The following SRGAP3 variants were observed in gnomAD, a reference collection of about 807,000 sequenced individuals.
SRGAP3 encodes SLIT-ROBO Rho GTPase activating protein 3, also known as SLIT-ROBO Rho GTPase-activating protein 3.
A neutral mutation model predicts 121.1 loss-of-function variants in SRGAP3; 39 were observed. The observed-to-expected ratio is 0.32, with a 90% CI of 0.25 to 0.42. SRGAP3 has a LOEUF of 0.42. Ranked by LOEUF, SRGAP3 falls within the 10% of genes least tolerant of loss-of-function variation. The pLI, the probability that SRGAP3 is intolerant of heterozygous loss-of-function variation, is 1.00. For missense variants in SRGAP3, 1,213 were observed against 1,470.6 expected (o/e 0.82, Z 2.86); for synonymous variants, 601 against 570.0 (o/e 1.05, Z -0.77).
At chr3:9,140,547 G>C (rs1949811355) in intron 1 of SRGAP3, among the ~76,000 whole-genome samples, 1 of 152,216 alleles carries the variant, frequency 6.6e-6, no homozygotes, top group Non-Finnish European at 1.5e-5. Flanking sequence ...CCAAGGCTTA[G>C]CAGACTTTTT....
chr3:9,197,285 G>A (rs9820704), intron 1 of SRGAP3, among the ~76,000 whole-genome samples: 36,108 of 152,142 alleles, frequency 0.24, 4,782 homozygotes, highest in African/African-American at 0.36. Context: ...CACAGGACAT[G>A]CCTGTCAAAG....
intron 3 of SRGAP3, among the ~76,000 whole-genome samples, chr3:9,088,759 T>A (rs767666836): frequency 6.6e-6 from 1 of 151,786 alleles, no homozygotes; most frequent in African/African-American, 2.4e-5. Flanking sequence ...TTCCCAGTGT[T>A]GAAAACTCAG....
Position 8,994,403 on chromosome 3 carries a change from T to C in SRGAP3, c.2348A>G (p.Glu783Gly), listed in dbSNP as rs1343214523. Residue 783 changes from glutamate to glycine, a missense_variant, in exon 19 of 22, where the codon GAG becomes GGG. Transcript: ENST00000383836. Reference sequence around the variant, plus strand: ...TCCATCCACGCCGTTGTGCCGGCCCTCCCACCAGTCCTCCGAGGCGCGGTG... The same window carrying C: ...TCCATCCACGCCGTTGTGCCGGCCCCCCCACCAGTCCTCCGAGGCGCGGTG... ...LYHRASEDWW[E>G]GRHNGVDGLI... The C allele has an allele frequency of 1.5e-5, 25 of 1,614,088 alleles. 1 individual carries two copies. The highest frequency in any genetic ancestry group is 1.9e-5 in the Non-Finnish European group (23 of 1,180,042).
At chr3:8,998,292 G>T (rs1942536335) in intron 18 of SRGAP3, among the ~76,000 whole-genome samples, 2 of 152,072 alleles carry the variant, frequency 1.3e-5, no homozygotes, top group African/African-American at 4.8e-5. Context: ...CCAGATCTTT[G>T]CATTCATCCA....
intron 1 of SRGAP3, among the ~76,000 whole-genome samples, chr3:9,168,256 C>A (rs145601218): frequency 6.6e-6 from 1 of 152,366 alleles, no homozygotes; most frequent in Admixed American, 6.5e-5. Flanking sequence ...TTGCTTGGAT[C>A]TGGACAAACT....
At chr3:9,142,003 A>G (rs1453920212) in intron 1 of SRGAP3, among the ~76,000 whole-genome samples, 1 of 152,200 alleles carries the variant, frequency 6.6e-6, no homozygotes, top group Non-Finnish European at 1.5e-5. Context: ...AAAGCAGATA[A>G]TGTTGGAATA....
intron 1 of SRGAP3, among the ~76,000 whole-genome samples, chr3:9,205,626 G>A (rs1436491768): frequency 1.3e-5 from 2 of 152,162 alleles, no homozygotes; most frequent in African/African-American, 4.8e-5. Flanking sequence ...TCATTTCCCT[G>A]TGCTCAAGCA....
intron 2 of SRGAP3, among the ~76,000 whole-genome samples, chr3:9,120,294 T>C (rs1052137225): frequency 1.4e-4 from 22 of 152,170 alleles, no homozygotes; most frequent in African/African-American, 5.1e-4. Context: ...AGCTTTTCAA[T>C]AGAAGTGACA....
chr3:9,235,987 C>A (rs1023421782), intron 1 of SRGAP3: 1 of 158,000 alleles, frequency 6.3e-6, no homozygotes, highest in Non-Finnish European at 1.4e-5. Context: ...TCATCCATAC[C>A]ATCTTCAAGG....
rs145253898 is a variant in SRGAP3 at position 9,213,031 on chromosome 3, T to C, written c.67+35854A>G. On this transcript the variant is annotated intron_variant, in intron 1 of 21. Transcript: ENST00000383836. ...CAGCTCCATGCCGGGGCAAATTGCT[T>C]GGTGAGAAAAACTTCCCCTGGATTT... Among the ~76,000 whole-genome samples the C allele has an allele frequency of 2.1e-3, 323 of 152,294 alleles. 2 individuals carry two copies. The highest frequency in any genetic ancestry group is 7.3e-3 in the African/African-American group (305 of 41,562).
intron 6 of SRGAP3, chr3:9,059,944 G>A (rs1946053280): frequency 2.3e-6 from 1 of 426,406 alleles, no homozygotes; most frequent in South Asian, 2.0e-5. Context: ...AAAGGACCTG[G>A]TGTCCAGGAG....
intron 3 of SRGAP3, among the ~76,000 whole-genome samples, chr3:9,086,561 A>T (rs1560112930): frequency 1.3e-5 from 2 of 150,282 alleles, no homozygotes; most frequent in Non-Finnish European, 3.0e-5. Flanking sequence ...ATGTGTGTAT[A>T]TATGTGGGTG....
At chr3:9,321,930 T>C (rs1955444225) in intron 3 of SRGAP3, among the ~76,000 whole-genome samples, 1 of 151,406 alleles carries the variant, frequency 6.6e-6, no homozygotes, top group Admixed American at 6.6e-5. Context: ...CTTACCTATG[T>C]AACAAAACTG....
intron 1 of SRGAP3, among the ~76,000 whole-genome samples, chr3:9,194,810 C>T (rs1318695436): frequency 6.6e-6 from 1 of 152,186 alleles, no homozygotes; most frequent in African/African-American, 2.4e-5. Flanking sequence ...AAATAACTTG[C>T]CATAGAGAAC....
At chr3:9,108,164 G>C (rs1020376237) in intron 2 of SRGAP3, among the ~76,000 whole-genome samples, 1 of 152,124 alleles carries the variant, frequency 6.6e-6, no homozygotes, top group African/African-American at 2.4e-5. Context: ...AGACCACATA[G>C]TTCTCAACCT....
rs1333333970 is a variant in SRGAP3, at chr3:8,984,680, G to A, written c.*839C>T. 8.6e-6 allele frequency: 2 copies of A among 232,584 alleles called. No homozygotes were observed. Among genetic ancestry groups the A allele is most frequent in the East Asian group, 1.2e-4 (2 of 16,496 alleles). 14.4% of individuals were successfully genotyped at this position (232,584 alleles called of 1,614,324 possible). A position where few individuals can be genotyped will look rare whatever the true frequency, so the allele number is the denominator to read the frequency against. ...CCAACCTTCTCCCATGCCTTTGGGA[G>A]TACAGTTGGCCTTTGGCCTCCGGGT... On this transcript the variant is annotated 3_prime_UTR_variant, in exon 22 of 22. Coordinates refer to ENST00000383836, the MANE Select transcript of SRGAP3 (RefSeq NM_014850.4).
intron 1 of SRGAP3, among the ~76,000 whole-genome samples, chr3:9,360,814 T>C (rs756491833): frequency 5.3e-5 from 8 of 152,228 alleles, no homozygotes; most frequent in Non-Finnish European, 1.2e-4. Flanking sequence ...ATGGGAATTA[T>C]GGGAGTATAC....
chr3:9,166,622 A>G (rs1411775794), intron 1 of SRGAP3, among the ~76,000 whole-genome samples: 1 of 152,330 alleles, frequency 6.6e-6, no homozygotes, highest in East Asian at 1.9e-4. Flanking sequence ...CAGAGCCTCC[A>G]AGACAGCTTA....
chr3:9,155,099 G>A (rs924986359), intron 1 of SRGAP3, among the ~76,000 whole-genome samples: 1 of 151,822 alleles, frequency 6.6e-6, no homozygotes, highest in African/African-American at 2.4e-5. Flanking sequence ...GCCTCGGTGT[G>A]TATTAAAGTG....
Sources: gnomAD v4.1 joint callset for allele counts (sites outside exome capture counted in the v4.1 genomes callset) on GRCh38, gnomAD v4.1.1 for gene constraint, MANE v1.5 for transcripts, NCBI Gene and HGNC (gene_info 2026-07-23, HGNC 2026-07-21) for gene names.